The following COL5A1 variants were observed in gnomAD, a reference collection of about 807,000 sequenced individuals.
The protein encoded by COL5A1 is collagen alpha-1(V) chain.
In COL5A1, 16 loss-of-function variants were observed where a neutral mutation model predicts 263.7. That is an observed-to-expected ratio of 0.06 (90% CI 0.04 to 0.09). COL5A1 has a LOEUF of 0.09. Among genes scored for constraint, COL5A1 ranks in the 10% least tolerant of loss-of-function variants. The probability of loss-of-function intolerance (pLI) is 1.00; values close to 1 mark genes in which losing one functional copy is unlikely to be tolerated. For synonymous variants in COL5A1, 1,012 were observed against 1,004.5 expected (o/e 1.01, Z -0.14); for missense variants, 2,036 against 2,540.5 (o/e 0.80, Z 4.27).
chr9:134,766,569 G>A (rs1384869558), intron 22 of COL5A1, 71 bp downstream of exon 22: 64 of 1,485,060 alleles, frequency 4.3e-5, no homozygotes, highest in Non-Finnish European at 5.0e-5. Context: ...CCTGGCTAGG[G>A]AGGTCCATCG....
intron 42 of COL5A1, among the ~76,000 whole-genome samples, chr9:134,808,432 A>C (rs1206731511): frequency 6.6e-6 from 1 of 152,192 alleles, no homozygotes; most frequent in African/African-American, 2.4e-5. Flanking sequence ...AAGGACAGGA[A>C]AAATAGTGTG....
chr9:134,829,711 G>A, intron 63 of COL5A1, among the ~76,000 whole-genome samples: 1 of 152,128 alleles, frequency 6.6e-6, no homozygotes, highest in Admixed American at 6.5e-5. Context: ...TCCTCACGTG[G>A]CCTCTAGTCT....
chr9:134,822,582 A>T (rs755057275), intron 59 of COL5A1, among the ~76,000 whole-genome samples: 1 of 151,972 alleles, frequency 6.6e-6, no homozygotes, highest in Non-Finnish European at 1.5e-5. Flanking sequence ...GGGCATCCCC[A>T]CAGCCGCTGG....
At chr9:134,670,462 C>T (rs1564377048) in intron 1 of COL5A1, among the ~76,000 whole-genome samples, 1 of 152,236 alleles carries the variant, frequency 6.6e-6, no homozygotes, top group Non-Finnish European at 1.5e-5. Flanking sequence ...GGGCTGCTCA[C>T]CCATGCTAAG....
chr9:134,747,975 A>ATT (rs1554791446), intron 11 of COL5A1, among the ~76,000 whole-genome samples: 1 of 149,826 alleles, frequency 6.7e-6, no homozygotes. Flanking sequence ...ACATGCATTC[A>ATT]CACACACATG....
chr9:134,764,791 C>T (rs11103512), intron 20 of COL5A1, among the ~76,000 whole-genome samples: 1 of 152,142 alleles, frequency 6.6e-6, no homozygotes, highest in Non-Finnish European at 1.5e-5. Flanking sequence ...ATGAACTCCA[C>T]TCTCTCCTTA....
At chr9:134,729,193 G>A (rs960781912) in intron 6 of COL5A1, among the ~76,000 whole-genome samples, 10 of 152,326 alleles carry the variant, frequency 6.6e-5, no homozygotes, top group Middle Eastern at 3.4e-3. Flanking sequence ...GGGCTCCCCC[G>A]GGGGGTGACG....
chr9:134,812,071 G>A (rs1251315533), intron 46 of COL5A1, among the ~76,000 whole-genome samples: 1 of 152,174 alleles, frequency 6.6e-6, no homozygotes, highest in Admixed American at 6.5e-5. Flanking sequence ...TGTTACGAGT[G>A]TGTTGAATGC....
At chr9:134,777,300 C>T (rs536990060) in intron 27 of COL5A1, among the ~76,000 whole-genome samples, 8 of 152,372 alleles carry the variant, frequency 5.3e-5, no homozygotes, top group Middle Eastern at 3.4e-3. Flanking sequence ...TGGTCCCAGC[C>T]GTGCTGCAGC....
chr9:134,672,808 AG>A (rs1177750025), intron 1 of COL5A1, among the ~76,000 whole-genome samples: 3 of 152,256 alleles, frequency 2.0e-5, no homozygotes, highest in Non-Finnish European at 2.9e-5. Context: ...AGAACTAAAA[AG>A]TTTAGCATGG....
chr9:134,842,508 T>C lies in COL5A1; in HGVS notation c.*205T>C. On this transcript the variant is annotated 3_prime_UTR_variant, in exon 66 of 66. Transcript: ENST00000371817. The surrounding 1 kb of genome is among the most constrained non-coding windows in gnomAD (Gnocchi z 5.8). Reference sequence around the variant, plus strand: ...AAGGAGCCGCGCCCCCACCTGGAGCTGAATCACATGACCTAGCTGCACCCC... The same window carrying C: ...AAGGAGCCGCGCCCCCACCTGGAGCCGAATCACATGACCTAGCTGCACCCC... 1.6e-6 allele frequency: 1 copy of C among 643,284 alleles called. No homozygotes were observed. Among genetic ancestry groups the C allele is most frequent in the Non-Finnish European group, 2.7e-6 (1 of 367,526 alleles). 39.8% of individuals were successfully genotyped at this position (643,284 alleles called of 1,614,324 possible). A position where few individuals can be genotyped will look rare whatever the true frequency, so the allele number is the denominator to read the frequency against.
chr9:134,836,144 C>T (rs1392515636), intron 65 of COL5A1, among the ~76,000 whole-genome samples: 9 of 152,182 alleles, frequency 5.9e-5, no homozygotes, highest in South Asian at 2.1e-4. Context: ...CGCCTGAGGC[C>T]GGGTAAACGG....
chr9:134,745,946 C>CA (rs977359014), intron 11 of COL5A1, among the ~76,000 whole-genome samples: 1 of 152,102 alleles, frequency 6.6e-6, no homozygotes, highest in African/African-American at 2.4e-5. Context: ...ACCCAGCCCT[C>CA]CCCTGTGTCT....
chr9:134,706,390 C>T (rs377052364), intron 4 of COL5A1, among the ~76,000 whole-genome samples: 4 of 152,168 alleles, frequency 2.6e-5, no homozygotes, highest in East Asian at 1.9e-4. Context: ...TAGTCAGGAA[C>T]GAGCTTTGTG....
At chr9:134,705,399 C>T (rs1357453359) in intron 4 of COL5A1, among the ~76,000 whole-genome samples, 1 of 152,250 alleles carries the variant, frequency 6.6e-6, no homozygotes, top group Non-Finnish European at 1.5e-5. Context: ...CACTGCCTCC[C>T]AGCCCCTGAG....
intron 1 of COL5A1, among the ~76,000 whole-genome samples, chr9:134,669,278 T>C (rs1832463717): frequency 1.1e-5 from 1 of 88,242 alleles, no homozygotes; most frequent in African/African-American, 5.0e-5. Context: ...TTCCCTTCCC[T>C]TCCCTTCCCT....
chr9:134,760,839 TGCATACAC>T (rs1299075779), intron 18 of COL5A1, among the ~76,000 whole-genome samples: 2 of 126,458 alleles, frequency 1.6e-5, no homozygotes, highest in Non-Finnish European at 3.4e-5. Context: ...CATGCACACA[TGCATACAC>T]ACATGCACAC....
chr9:134,730,098 G>T, intron 6 of COL5A1, 138 bp from the exon 7 acceptor site: 1 of 1,319,680 alleles, frequency 7.6e-7, no homozygotes. Context: ...CACCCAAGAG[G>T]TCTCTGGGCC....
intron 62 of COL5A1, among the ~76,000 whole-genome samples, chr9:134,825,415 G>T (rs1839225039): frequency 6.6e-6 from 1 of 152,192 alleles, no homozygotes; most frequent in Non-Finnish European, 1.5e-5. Context: ...CCCCCTGCAA[G>T]ATTCGAGGGA....
Sources: gnomAD v4.1 joint callset for allele counts (sites outside exome capture counted in the v4.1 genomes callset) on GRCh38, gnomAD v4.1.1 for gene constraint, Gnocchi (gnomAD v3.1) non-coding constraint, MANE v1.5 for transcripts, NCBI Gene and HGNC (gene_info 2026-07-23, HGNC 2026-07-21) for gene names.